The following SH3GL2 variants were observed in gnomAD, a reference collection of about 807,000 sequenced individuals.
The protein encoded by SH3GL2 is endophilin-A1.
Under a neutral mutation model 46.0 loss-of-function variants are expected in SH3GL2, and 24 were observed. The ratio of observed to expected loss-of-function variants is 0.52; its 90% confidence interval spans 0.38 to 0.73. SH3GL2 has a LOEUF of 0.73. Among genes scored for constraint, SH3GL2 ranks in the 30% least tolerant of loss-of-function variants. The pLI, the probability that SH3GL2 is intolerant of heterozygous loss-of-function variation, is 0.00. For synonymous variants in SH3GL2, 196 were observed against 147.1 expected, an observed-to-expected ratio of 1.33 and a Z score of -2.40; for missense variants, 413 against 424.2, an observed-to-expected ratio of 0.97 and a Z score of 0.23.
chr9:17,785,425 C>G (rs1015941423), intron 3 of SH3GL2, among the ~76,000 whole-genome samples: 5 of 152,184 alleles, frequency 3.3e-5, no homozygotes, highest in South Asian at 2.1e-4. Context: ...TTCAATGCCT[C>G]TAAGACTCAA....
At chr9:17,697,963 A>G (rs1331061287) in intron 1 of SH3GL2, among the ~76,000 whole-genome samples, 2 of 152,224 alleles carry the variant, frequency 1.3e-5, no homozygotes, top group African/African-American at 4.8e-5. Context: ...TTTAGATGGC[A>G]TATTCACTTT....
chr9:17,605,594 C>T (rs1256562696), intron 1 of SH3GL2, among the ~76,000 whole-genome samples: 1 of 152,174 alleles, frequency 6.6e-6, no homozygotes, highest in African/African-American at 2.4e-5. Flanking sequence ...AGAGATGTTT[C>T]TCTTAGCCCA....
Position 17,584,733 on chromosome 9 carries a change from A to G in SH3GL2, c.45+5446A>G, listed in dbSNP as rs116858382. Among the ~76,000 whole-genome samples, 23 of 152,322 alleles carry G rather than the reference A, an allele frequency of 1.5e-4. No individual in the cohort carries two copies. In the East Asian group the frequency reaches 3.7e-3, roughly 24 times the overall value. On this transcript the variant is annotated intron_variant, in intron 1 of 8. Transcript: ENST00000380607. Reference sequence around the variant, plus strand: ...TTGCATAATAAGGATCACTTGAACCATGTAAAACAAAATGTTGTTAATGCG... The same window carrying G: ...TTGCATAATAAGGATCACTTGAACCGTGTAAAACAAAATGTTGTTAATGCG...
intron 1 of SH3GL2, among the ~76,000 whole-genome samples, chr9:17,629,222 C>T (rs975762531): frequency 5.3e-5 from 8 of 152,190 alleles, no homozygotes; most frequent in African/African-American, 1.9e-4. Context: ...ATTGTGTAGT[C>T]ATTAAACAAA....
chr9:17,617,833 C>T (rs1242710478), intron 1 of SH3GL2, among the ~76,000 whole-genome samples: 1 of 152,004 alleles, frequency 6.6e-6, no homozygotes, highest in Admixed American at 6.6e-5. Context: ...GGTTGTATGT[C>T]AGGACCATCT....
chr9:17,716,161 C>A (rs1821752848), intron 1 of SH3GL2, among the ~76,000 whole-genome samples: 2 of 152,012 alleles, frequency 1.3e-5, no homozygotes, highest in Non-Finnish European at 2.9e-5. Context: ...ACAATTGTAT[C>A]ATCTGTGGCA....
At chr9:17,784,213 C>G (rs367803459) in intron 3 of SH3GL2, among the ~76,000 whole-genome samples, 35 of 151,994 alleles carry the variant, frequency 2.3e-4, no homozygotes, top group African/African-American at 7.7e-4. Flanking sequence ...CCAAGATACT[C>G]TTAGTAAAAG....
chr9:17,620,057 GGAATAACT>G (rs1333310268), intron 1 of SH3GL2, among the ~76,000 whole-genome samples: 1 of 151,896 alleles, frequency 6.6e-6, no homozygotes, highest in African/African-American at 2.4e-5. Context: ...ACAAGTAGTT[GGAATAACT>G]GATTTTATAA....
At chr9:17,706,720 T>G (rs924897108) in intron 1 of SH3GL2, among the ~76,000 whole-genome samples, 3 of 152,038 alleles carry the variant, frequency 2.0e-5, no homozygotes. Flanking sequence ...TTAGACATCT[T>G]ATAGGTGAGT....
chr9:17,700,907 A>G (rs1356816751), intron 1 of SH3GL2, among the ~76,000 whole-genome samples: 1 of 152,234 alleles, frequency 6.6e-6, no homozygotes, highest in Non-Finnish European at 1.5e-5. Flanking sequence ...GAACCATATC[A>G]GAGTAGCAGA....
intron 1 of SH3GL2, among the ~76,000 whole-genome samples, chr9:17,688,758 A>G (rs1365093613): frequency 1.3e-5 from 2 of 152,126 alleles, no homozygotes; most frequent in Admixed American, 6.6e-5. Context: ...TGAACAGAAA[A>G]ATAACATAGT....
intron 3 of SH3GL2, among the ~76,000 whole-genome samples, chr9:17,782,274 C>A (rs992999408): frequency 6.6e-6 from 1 of 152,040 alleles, no homozygotes; most frequent in African/African-American, 2.4e-5. Context: ...CATGATTTAG[C>A]TTGGGAACTC....
intron 1 of SH3GL2, among the ~76,000 whole-genome samples, chr9:17,746,495 G>T (rs1288869352): frequency 2.6e-5 from 4 of 152,262 alleles, no homozygotes; most frequent in Admixed American, 6.5e-5. Context: ...GCCTTCAACA[G>T]CTTTCTATAT....
At chr9:17,719,498 G>A (rs1160336813) in intron 1 of SH3GL2, among the ~76,000 whole-genome samples, 1 of 152,026 alleles carries the variant, frequency 6.6e-6, no homozygotes, top group Non-Finnish European at 1.5e-5. Context: ...ACCTTTGAAA[G>A]TTTTTGGCTG....
intron 1 of SH3GL2, among the ~76,000 whole-genome samples, chr9:17,702,621 A>G (rs1180269326): frequency 6.6e-6 from 1 of 152,100 alleles, no homozygotes; most frequent in African/African-American, 2.4e-5. Context: ...ATCTAAAACA[A>G]CCTGCATGTG....
rs1205519011 is a variant in SH3GL2 at position 17,633,264 on chromosome 9, T to C, written c.45+53977T>C. Among the ~76,000 whole-genome samples, 2 of 152,308 alleles carry C rather than the reference T, an allele frequency of 1.3e-5. 1 individual carries two copies. Among genetic ancestry groups the C allele is most frequent in the Middle Eastern group, 6.8e-3 (2 of 294 alleles). On this transcript the variant is annotated intron_variant, in intron 1 of 8. Transcript: ENST00000380607. ...TGATGAGTGTGGGTACCTGCCCTTC[T>C]TGGCAGGAGTGGACTAGAAATCAGT...
intron 1 of SH3GL2, among the ~76,000 whole-genome samples, chr9:17,659,552 C>G (rs1820164852): frequency 6.6e-6 from 1 of 152,084 alleles, no homozygotes; most frequent in Admixed American, 6.5e-5. Context: ...TCTAGATTGT[C>G]TCATTTAGGT....
intron 2 of SH3GL2, among the ~76,000 whole-genome samples, chr9:17,748,969 A>G (rs889997335): frequency 5.9e-5 from 9 of 152,240 alleles, no homozygotes; most frequent in African/African-American, 2.2e-4. Context: ...GTCCTGTGAA[A>G]TCAGACTGCA....
intron 1 of SH3GL2, among the ~76,000 whole-genome samples, chr9:17,738,825 G>C (rs1259172677): frequency 6.6e-6 from 1 of 151,832 alleles, no homozygotes; most frequent in African/African-American, 2.4e-5. Context: ...GCTCAGCTTT[G>C]TTCTTAGGGC....
Sources: gnomAD v4.1 joint callset for allele counts (sites outside exome capture counted in the v4.1 genomes callset) on GRCh38, gnomAD v4.1.1 for gene constraint, MANE v1.5 for transcripts, NCBI Gene and HGNC (gene_info 2026-07-23, HGNC 2026-07-21) for gene names.